Variants in USH2A observed in about 807,000 individuals in gnomAD.
USH2A encodes usherin.
A neutral mutation model predicts 538.9 loss-of-function variants in USH2A; 443 were observed. That is an observed-to-expected ratio of 0.82 (90% CI 0.76 to 0.89). The LOEUF is 0.89. Ranked by LOEUF, USH2A falls within the 40% of genes least tolerant of loss-of-function variation. The probability of loss-of-function intolerance (pLI) is 0.00; values close to 1 mark genes in which losing one functional copy is unlikely to be tolerated. For missense variants in USH2A, 6,633 were observed against 6,324.8 expected (o/e 1.05, Z -1.65); for synonymous variants, 2,413 against 2,273.5 (o/e 1.06, Z -1.75).
At chr1:216,338,558 G>A (rs922667383) in intron 4 of USH2A, among the ~76,000 whole-genome samples, 4 of 151,380 alleles carry the variant, frequency 2.6e-5, no homozygotes, top group Middle Eastern at 3.4e-3. Context: ...TGATATATTC[G>A]CCAATGTTAA....
At chr1:216,324,065 T>A (rs1474380184) in intron 7 of USH2A, 103 bp downstream of exon 7, 20 of 1,267,440 alleles carry the variant, frequency 1.6e-5, no homozygotes, top group Non-Finnish European at 2.0e-5. Flanking sequence ...CTCAAGGAAG[T>A]TGGTGGTGAA....
chr1:215,741,912 A>T (rs1203598671), intron 59 of USH2A, among the ~76,000 whole-genome samples: 2 of 152,144 alleles, frequency 1.3e-5, no homozygotes, highest in Non-Finnish European at 2.9e-5. Flanking sequence ...GCATGCTTTT[A>T]ATAATATTTT....
At chr1:215,805,031 A>G (rs1662455629) in intron 49 of USH2A, among the ~76,000 whole-genome samples, 1 of 152,110 alleles carries the variant, frequency 6.6e-6, no homozygotes, top group African/African-American at 2.4e-5. Context: ...AACTATCGCA[A>G]GGACAAAGAA....
At chr1:215,960,227 C>T (rs1211608957) in intron 37 of USH2A, among the ~76,000 whole-genome samples, 1 of 151,996 alleles carries the variant, frequency 6.6e-6, no homozygotes, top group Non-Finnish European at 1.5e-5. Context: ...TATCATGGCA[C>T]AATACTTTCA....
intron 32 of USH2A, among the ~76,000 whole-genome samples, chr1:216,021,842 G>T (rs1668851521): frequency 6.6e-6 from 1 of 152,220 alleles, no homozygotes; most frequent in African/African-American, 2.4e-5. Flanking sequence ...GATAGGGTTT[G>T]TTTGGCCCTG....
rs75598330 is a variant in USH2A at position 215,766,852 on chromosome 1, C to T, written c.10940-64G>A. On this transcript the variant is annotated intron_variant, in intron 55 of 71. Transcript: ENST00000307340. ...GGATTATTTATTATCAATTAAGTACCAGAAGTAACATGCAGAGTTGTAGAT... is the reference window on the plus strand; with the variant it reads ...GGATTATTTATTATCAATTAAGTACTAGAAGTAACATGCAGAGTTGTAGAT... 1,622 of 1,415,340 alleles carry T rather than the reference C, an allele frequency of 1.1e-3. 23 individuals carry two copies. In the African/African-American group the frequency reaches 0.02, roughly 18 times the overall value. The allele number at this position is 1,415,340 out of a possible 1,614,324, so 87.7% of individuals were successfully genotyped here.
chr1:216,391,092 C>A (rs1216433456), intron 3 of USH2A, among the ~76,000 whole-genome samples: 1 of 152,120 alleles, frequency 6.6e-6, no homozygotes, highest in Non-Finnish European at 1.5e-5. Context: ...TACGCCCAAG[C>A]CTCTAACCAC....
chr1:216,175,312 T>A lies in USH2A; in HGVS notation c.4567A>T (p.Ile1523Leu), dbSNP rs996597226. 1.2e-6 allele frequency: 2 copies of A among 1,613,842 alleles called. No homozygotes were observed. ...GGAAATTTACAATACCCATTTCCTATGAAACGGATTCCTTTCATCATCGTG... is the reference window on the plus strand; with the variant it reads ...GGAAATTTACAATACCCATTTCCTAAGAAACGGATTCCTTTCATCATCGTG... ...MTTMMKGIRF[I>L]GNGYCKFPSS... The change falls in exon 21 of 72, where the codon ATA (isoleucine) becomes TTA (leucine). Residue 1523 changes from isoleucine to leucine, a missense_variant. Ile to Leu is a conservative substitution (Grantham distance 5, BLOSUM62 2). Transcript: ENST00000307340.
intron 30 of USH2A, among the ~76,000 whole-genome samples, chr1:216,068,422 T>C (rs1293944456): frequency 6.6e-6 from 1 of 152,122 alleles, no homozygotes; most frequent in Non-Finnish European, 1.5e-5. Flanking sequence ...ATACATCAGA[T>C]GTATCTGGGG....
intron 32 of USH2A, among the ~76,000 whole-genome samples, chr1:216,034,745 G>A (rs900997661): frequency 2.0e-5 from 3 of 152,156 alleles, no homozygotes; most frequent in Non-Finnish European, 4.4e-5. Context: ...AGAAACCACT[G>A]GAGGGCGGGA....
chr1:216,102,365 T>C (rs2032602985), intron 21 of USH2A, among the ~76,000 whole-genome samples: 1 of 149,398 alleles, frequency 6.7e-6, no homozygotes. Flanking sequence ...ATATATTACA[T>C]ATATTTTTAT....
chr1:215,818,171 A>C (rs921917206), intron 47 of USH2A, among the ~76,000 whole-genome samples: 1 of 151,834 alleles, frequency 6.6e-6, no homozygotes, highest in Non-Finnish European at 1.5e-5. Context: ...TTAGTAGTTA[A>C]ATTTTGGGAC....
chr1:216,102,752 A>G (rs1295180412), intron 21 of USH2A, among the ~76,000 whole-genome samples: 17 of 152,144 alleles, frequency 1.1e-4, no homozygotes, highest in Admixed American at 9.8e-4. Context: ...GTGAGTGGAG[A>G]TCGCGCCACT....
chr1:215,842,117 A>G (rs1156279003), intron 46 of USH2A, among the ~76,000 whole-genome samples: 1 of 152,168 alleles, frequency 6.6e-6, no homozygotes, highest in East Asian at 1.9e-4. Context: ...TGAGGTCAGG[A>G]GTTTGATACC....
intron 3 of USH2A, among the ~76,000 whole-genome samples, chr1:216,394,870 C>G (rs568954040): frequency 6.6e-6 from 1 of 151,956 alleles, no homozygotes; most frequent in South Asian, 2.1e-4. Flanking sequence ...AGGCGCCCGC[C>G]ACCACGCCCG....
chr1:215,766,313 T>C (rs539265958), intron 56 of USH2A, among the ~76,000 whole-genome samples: 1 of 152,284 alleles, frequency 6.6e-6, no homozygotes, highest in African/African-American at 2.4e-5. Context: ...CTTTCTCCTA[T>C]CACTTCTACT....
At position 215,845,772 on chromosome 1, in the gene USH2A, A is replaced by T. The variant is rs370068902; in HGVS notation, c.9055+52T>A. On this transcript the variant is annotated intron_variant, in intron 45 of 71. Transcript: ENST00000307340. ...CTGATCTCAACCCCGGCAAGAATCA[A>T]TCAATTTCATTCGCATCTCTGAGGC... 98 of 1,576,890 alleles carry T rather than the reference A, an allele frequency of 6.2e-5. 1 individual carries two copies. Among genetic ancestry groups the T allele is most frequent in the Non-Finnish European group, 8.2e-5 (94 of 1,149,340 alleles).
rs542727709 is a variant in USH2A at position 215,695,432 on chromosome 1, A to G, written c.12067-15056T>C. Among the ~76,000 whole-genome samples, 54 of 152,364 alleles carry G rather than the reference A, an allele frequency of 3.5e-4. 3 individuals are homozygous for G. The South Asian group carries it at 0.011, about 32-fold the overall frequency. ...AAAGGTCCACAGAATCTAAAAATAA[A>G]CAATTATAGAGTTCAGCAATTTTAG... On this transcript the variant is annotated intron_variant, in intron 61 of 71. Coordinates refer to ENST00000307340, the MANE Select transcript of USH2A (RefSeq NM_206933.4).
At chr1:215,923,573 T>C (rs1666155060) in intron 38 of USH2A, among the ~76,000 whole-genome samples, 1 of 152,068 alleles carries the variant, frequency 6.6e-6, no homozygotes, top group African/African-American at 2.4e-5. Context: ...GAATACAGTG[T>C]CCTCATTGGT....
Sources: gnomAD v4.1 joint callset for allele counts (sites outside exome capture counted in the v4.1 genomes callset) on GRCh38, gnomAD v4.1.1 for gene constraint, MANE v1.5 for transcripts, NCBI Gene and HGNC (gene_info 2026-07-23, HGNC 2026-07-21) for gene names.